The following GNG12 variants were observed in gnomAD, a reference collection of about 807,000 sequenced individuals.
GNG12 encodes guanine nucleotide-binding protein G(I)/G(S)/G(O) subunit gamma-12.
For missense variants in GNG12, 69 were observed against 83.8 expected (o/e 0.82, Z 0.69); for synonymous variants, 28 against 29.7 (o/e 0.94, Z 0.19).
intron 2 of GNG12, among the ~76,000 whole-genome samples, chr1:67,709,507 G>C (rs529017561): frequency 6.6e-6 from 1 of 152,090 alleles, no homozygotes; most frequent in African/African-American, 2.4e-5. Context: ...TAGCAGTACA[G>C]AAAACTAGGA....
intron 2 of GNG12, among the ~76,000 whole-genome samples, chr1:67,729,376 T>C (rs1446122238): frequency 6.6e-6 from 1 of 152,184 alleles, no homozygotes; most frequent in Non-Finnish European, 1.5e-5. Context: ...GGCCAGTTCT[T>C]TGGACTCAGC....
intron 2 of GNG12, among the ~76,000 whole-genome samples, chr1:67,763,790 C>G (rs1646620459): frequency 1.3e-5 from 2 of 152,168 alleles, no homozygotes; most frequent in Admixed American, 1.3e-4. Flanking sequence ...TGGCTTTCCA[C>G]CATTAATTTT....
At chr1:67,819,836 C>T (rs895670235) in intron 1 of GNG12, among the ~76,000 whole-genome samples, 1 of 152,170 alleles carries the variant, frequency 6.6e-6, no homozygotes, top group East Asian at 1.9e-4. Context: ...CTGGAATGCT[C>T]TTCTCCAGAT....
At chr1:67,742,237 A>G (rs932534105) in intron 2 of GNG12, among the ~76,000 whole-genome samples, 1 of 152,194 alleles carries the variant, frequency 6.6e-6, no homozygotes, top group African/African-American at 2.4e-5. Context: ...AATGTGCATT[A>G]ATCAATCAAT....
At chr1:67,824,047 C>T (rs1358214511) in intron 1 of GNG12, among the ~76,000 whole-genome samples, 1 of 152,138 alleles carries the variant, frequency 6.6e-6, no homozygotes, top group Non-Finnish European at 1.5e-5. Context: ...AGAGTATATA[C>T]ACCACCTTTA....
At chr1:67,786,985 G>GTGTGTA (rs1407300795) in intron 1 of GNG12, among the ~76,000 whole-genome samples, 57 of 119,026 alleles carry the variant, frequency 4.8e-4, no homozygotes, top group African/African-American at 1.7e-3. Flanking sequence ...GTGTGTGTGT[G>GTGTGTA]TATGTATATA....
chr1:67,707,671 C>T lies in GNG12; in HGVS notation c.16G>A (p.Ala6Thr). 1.2e-6 allele frequency: 2 copies of T among 1,602,698 alleles called. No individual in the cohort carries two copies. Among genetic ancestry groups the T allele is most frequent in the Non-Finnish European group, 1.7e-6 (2 of 1,176,136 alleles). Residue 6 changes from alanine (A) to threonine (T), a missense_variant, in exon 3 of 4, where the codon GCA (alanine) becomes ACA (threonine). Physicochemically the swap from Ala to Thr is moderately conservative, Grantham distance 58. Transcript: ENST00000370982. Reference protein sequence around the residue: MSSKTASTNNIAQARR... With the variant: MSSKTTSTNNIAQARR... ...GCCTGGGCTATATTGTTGGTGCTTG[C>T]TGTTTTGCTGGACATCTTCAATTAT... is the stretch of plus-strand genomic sequence containing the variant.
chr1:67,787,692 A>C (rs533312457), intron 1 of GNG12, among the ~76,000 whole-genome samples: 4 of 152,264 alleles, frequency 2.6e-5, no homozygotes, highest in South Asian at 4.2e-4. Context: ...CACAGGAAAA[A>C]CCAATAGCCA....
At chr1:67,796,911 G>C (rs1248490981) in intron 1 of GNG12, among the ~76,000 whole-genome samples, 1 of 152,210 alleles carries the variant, frequency 6.6e-6, no homozygotes, top group African/African-American at 2.4e-5. Context: ...GAAAGGCAAA[G>C]GGGGAACAGG....
At chr1:67,733,885 G>T (rs1453647230) in intron 2 of GNG12, among the ~76,000 whole-genome samples, 3 of 152,132 alleles carry the variant, frequency 2.0e-5, no homozygotes, top group Non-Finnish European at 4.4e-5. Context: ...GAATCGTAAG[G>T]CCCCTCATAC....
chr1:67,819,135 C>T lies in GNG12; in HGVS notation c.-77+14209G>A, dbSNP rs534537099. 2.2e-4 allele frequency among the ~76,000 whole-genome samples: 33 copies of T among 152,140 alleles called. No individual in the cohort carries two copies. In the South Asian group the frequency reaches 4.2e-3, roughly 19 times the overall value. The stretch of plus-strand genomic sequence containing the variant: ...ATGGGGGTAGGGAGAAGCAGACATG[C>T]GGGCGCTTTAGGAGGTGGACCCAGG... On this transcript the variant is annotated intron_variant, in intron 1 of 3. Coordinates refer to ENST00000370982, the MANE Select transcript of GNG12 (RefSeq NM_018841.6).
At chr1:67,706,780 C>T (rs567089782) in intron 3 of GNG12, among the ~76,000 whole-genome samples, 10 of 152,006 alleles carry the variant, frequency 6.6e-5, no homozygotes, top group East Asian at 3.9e-4. Flanking sequence ...CTCAGCCTTC[C>T]GAGTAGCTGG....
At chr1:67,776,905 T>C (rs962117272) in intron 2 of GNG12, among the ~76,000 whole-genome samples, 1 of 152,228 alleles carries the variant, frequency 6.6e-6, no homozygotes, top group Non-Finnish European at 1.5e-5. Context: ...TGATGCTATA[T>C]GAAGCCCCGG....
intron 2 of GNG12, among the ~76,000 whole-genome samples, chr1:67,740,973 A>G (rs1308449861): frequency 6.6e-6 from 1 of 152,170 alleles, no homozygotes. Context: ...TCTATGTTTT[A>G]TATTTTTATC....
chr1:67,791,072 G>T (rs1046424816), intron 1 of GNG12, among the ~76,000 whole-genome samples: 2 of 152,116 alleles, frequency 1.3e-5, no homozygotes, highest in African/African-American at 2.4e-5. Context: ...CAGGGGAAGG[G>T]TAACACAAGA....
chr1:67,826,731 G>T (rs1570579833), intron 1 of GNG12, among the ~76,000 whole-genome samples: 1 of 152,242 alleles, frequency 6.6e-6, no homozygotes, highest in Non-Finnish European at 1.5e-5. Context: ...GAGGCTTTTA[G>T]ATTTTGATTC....
At chr1:67,808,084 T>G (rs917765672) in intron 1 of GNG12, among the ~76,000 whole-genome samples, 12 of 151,982 alleles carry the variant, frequency 7.9e-5, no homozygotes, top group Admixed American at 3.3e-4. Context: ...AATCCAACAA[T>G]GTAAAAAAGA....
chr1:67,723,811 T>C (rs998804058), intron 2 of GNG12, among the ~76,000 whole-genome samples: 1 of 152,192 alleles, frequency 6.6e-6, no homozygotes, highest in African/African-American at 2.4e-5. Flanking sequence ...ATGATACTTT[T>C]ATGATTAAGA....
intron 1 of GNG12, among the ~76,000 whole-genome samples, chr1:67,798,562 A>G (rs1331890823): frequency 6.6e-6 from 1 of 152,064 alleles, no homozygotes; most frequent in Non-Finnish European, 1.5e-5. Flanking sequence ...CCACCCCGAG[A>G]CAGCGAGACA....
Sources: gnomAD v4.1 joint callset for allele counts (sites outside exome capture counted in the v4.1 genomes callset) on GRCh38, gnomAD v4.1.1 for gene constraint, MANE v1.5 for transcripts, NCBI Gene and HGNC (gene_info 2026-07-23, HGNC 2026-07-21) for gene names.